The following CCSER1 variants were observed in gnomAD, a reference collection of about 807,000 sequenced individuals.
CCSER1 encodes the protein coiled-coil serine rich protein 1, also known as serine-rich coiled-coil domain-containing protein 1.
Under a neutral mutation model 82.0 loss-of-function variants are expected in CCSER1, and 41 were observed. That is an observed-to-expected ratio of 0.50 (90% CI 0.39 to 0.65). The LOEUF is 0.65. Among genes scored for constraint, CCSER1 ranks in the 30% least tolerant of loss-of-function variants. CCSER1 has a pLI of 0.00. For missense variants in CCSER1, 1,119 were observed against 1,064.2 expected, an observed-to-expected ratio of 1.05 and a Z score of -0.72; for synonymous variants, 414 against 383.9, an observed-to-expected ratio of 1.08 and a Z score of -0.92.
At chr4:90,233,440 A>G (rs1745072548) in intron 1 of CCSER1, among the ~76,000 whole-genome samples, 1 of 152,012 alleles carries the variant, frequency 6.6e-6, no homozygotes, top group Admixed American at 6.5e-5. Context: ...ACATGGACAC[A>G]GGAAGGGGAA....
chr4:90,816,586 G>C (rs1267348966), intron 8 of CCSER1, among the ~76,000 whole-genome samples: 1 of 151,872 alleles, frequency 6.6e-6, no homozygotes, highest in Non-Finnish European at 1.5e-5. Flanking sequence ...TAATTAAATA[G>C]AAAGAAATAA....
intron 1 of CCSER1, among the ~76,000 whole-genome samples, chr4:90,132,112 G>T (rs560908133): frequency 1.3e-5 from 2 of 152,176 alleles, no homozygotes; most frequent in African/African-American, 4.8e-5. Context: ...ATAGATAAGA[G>T]TTATTACAAA....
At chr4:90,197,767 G>A (rs1736881301) in intron 1 of CCSER1, among the ~76,000 whole-genome samples, 1 of 151,992 alleles carries the variant, frequency 6.6e-6, no homozygotes, top group South Asian at 2.1e-4. Context: ...GTAGAAGGAT[G>A]GGTACCAGAG....
At position 90,564,237 on chromosome 4, in the gene CCSER1, T is replaced by G. The variant is rs76029145; in HGVS notation, c.1725-63788T>G. On this transcript the variant is annotated intron_variant, in intron 5 of 10. Coordinates refer to ENST00000509176, the MANE Select transcript of CCSER1 (RefSeq NM_001145065.2). Reference sequence around the variant, plus strand: ...GTAATCACAGCTTATTGTGATTTCATAGAGATGGGGGTCTCACTATGTTGC... The same window carrying G: ...GTAATCACAGCTTATTGTGATTTCAGAGAGATGGGGGTCTCACTATGTTGC... 7.8e-4 allele frequency among the ~76,000 whole-genome samples: 111 copies of G among 142,020 alleles called. 1 individual carries two copies. The East Asian group carries it at 0.018, about 23-fold the overall frequency. 93.2% of individuals were successfully genotyped at this position (142,020 alleles called of 152,430 possible).
intron 4 of CCSER1, among the ~76,000 whole-genome samples, chr4:90,417,358 T>A (rs1423174410): frequency 6.6e-6 from 1 of 152,118 alleles, no homozygotes; most frequent in Admixed American, 6.5e-5. Flanking sequence ...TTAAATACCT[T>A]AAAAATTATT....
chr4:91,349,614 T>C (rs1177510178), intron 10 of CCSER1, among the ~76,000 whole-genome samples: 1 of 152,152 alleles, frequency 6.6e-6, no homozygotes, highest in Non-Finnish European at 1.5e-5. Context: ...AAAACCCCAG[T>C]AGGTAAGGCT....
At chr4:90,667,150 T>C (rs1206476948) in intron 6 of CCSER1, among the ~76,000 whole-genome samples, 1 of 152,068 alleles carries the variant, frequency 6.6e-6, no homozygotes, top group African/African-American at 2.4e-5. Flanking sequence ...CAGTACACCA[T>C]AGTGGTTAGG....
At chr4:90,793,337 C>A (rs1375033274) in intron 7 of CCSER1, among the ~76,000 whole-genome samples, 1 of 152,084 alleles carries the variant, frequency 6.6e-6, no homozygotes, top group South Asian at 2.1e-4. Context: ...CTCCTCCCAC[C>A]CTGCAGCCTC....
chr4:90,759,853 A>G (rs940696323), intron 7 of CCSER1, among the ~76,000 whole-genome samples: 3 of 152,144 alleles, frequency 2.0e-5, no homozygotes, highest in Non-Finnish European at 4.4e-5. Context: ...TCAAGAGCAA[A>G]ATTATTAATT....
intron 10 of CCSER1, among the ~76,000 whole-genome samples, chr4:91,449,912 T>C (rs1004491022): frequency 6.6e-6 from 1 of 152,116 alleles, no homozygotes; most frequent in Non-Finnish European, 1.5e-5. Flanking sequence ...AGGAGTTGAA[T>C]TGAAAGTAGT....
chr4:90,610,680 CAT>C (rs1339601452), intron 5 of CCSER1, among the ~76,000 whole-genome samples: 6 of 152,076 alleles, frequency 3.9e-5, no homozygotes, highest in African/African-American at 1.4e-4. Context: ...CAATAAACTT[CAT>C]GTTAGTATTA....
At chr4:91,224,484 T>C (rs1239764691) in intron 10 of CCSER1, among the ~76,000 whole-genome samples, 3 of 152,162 alleles carry the variant, frequency 2.0e-5, no homozygotes, top group Non-Finnish European at 2.9e-5. Context: ...ACTTTTCGTA[T>C]GTGCTATTAG....
intron 5 of CCSER1, among the ~76,000 whole-genome samples, chr4:90,482,755 G>C (rs1166316927): frequency 6.6e-6 from 1 of 152,150 alleles, no homozygotes; most frequent in Non-Finnish European, 1.5e-5. Context: ...TATACTTTCT[G>C]TTCTTTTACA....
At chr4:90,824,046 G>T (rs1030655275) in intron 8 of CCSER1, among the ~76,000 whole-genome samples, 8 of 150,968 alleles carry the variant, frequency 5.3e-5, no homozygotes, top group Non-Finnish European at 7.4e-5. Context: ...AGCTTTTCAG[G>T]CATCCATTAT....
rs1297787091 is a variant in CCSER1, at chr4:90,772,326, G to T, written c.2011-43436G>T. Among the ~76,000 whole-genome samples the T allele has an allele frequency of 2.0e-5, 3 of 151,906 alleles. No homozygotes were observed. In the South Asian group the frequency reaches 6.2e-4, roughly 32 times the overall value. On this transcript the variant is annotated intron_variant, in intron 7 of 10. Transcript: ENST00000509176. ...GAGAGAAAATATATGACAAACTTCAGGTTAATTACTATATATTATAAAAAT... is the reference window on the plus strand; with the variant it reads ...GAGAGAAAATATATGACAAACTTCATGTTAATTACTATATATTATAAAAAT...
At chr4:90,989,171 C>G (rs1210517072) in intron 9 of CCSER1, among the ~76,000 whole-genome samples, 1 of 151,668 alleles carries the variant, frequency 6.6e-6, no homozygotes, top group African/African-American at 2.4e-5. Flanking sequence ...GAGACATTTC[C>G]CTTTGGCTTC....
chr4:90,247,143 A>G (rs1326100838), intron 1 of CCSER1, among the ~76,000 whole-genome samples: 1 of 152,182 alleles, frequency 6.6e-6, no homozygotes, highest in Non-Finnish European at 1.5e-5. Flanking sequence ...TGCTCCTCAG[A>G]ATGGCATATA....
At chr4:91,508,730 A>T (rs1489205297) in intron 10 of CCSER1, among the ~76,000 whole-genome samples, 1 of 151,874 alleles carries the variant, frequency 6.6e-6, no homozygotes, top group Admixed American at 6.6e-5. Flanking sequence ...AAGGCTTTTC[A>T]TGGGAGTTTT....
chr4:90,207,145 G>A (rs1018739735), intron 1 of CCSER1, among the ~76,000 whole-genome samples: 4 of 151,846 alleles, frequency 2.6e-5, no homozygotes, highest in Admixed American at 2.6e-4. Context: ...TATCCAATTT[G>A]CCGGTCTGTG....
Sources: gnomAD v4.1 joint callset for allele counts (sites outside exome capture counted in the v4.1 genomes callset) on GRCh38, gnomAD v4.1.1 for gene constraint, MANE v1.5 for transcripts, NCBI Gene and HGNC (gene_info 2026-07-23, HGNC 2026-07-21) for gene names.